TRAF7: variants seen among roughly 807,000 people sequenced by gnomAD.
TRAF7 encodes the protein TNF receptor associated factor 7, also known as E3 ubiquitin-protein ligase TRAF7.
A neutral mutation model predicts 89.3 loss-of-function variants in TRAF7; 45 were observed. That is an observed-to-expected ratio of 0.50 (90% CI 0.40 to 0.65). The LOEUF is 0.65. TRAF7 is among the 30% of genes least tolerant of loss of function. The pLI is 0.00. For synonymous variants in TRAF7, 406 were observed against 369.2 expected (o/e 1.10, Z -1.14); for missense variants, 677 against 918.1 (o/e 0.74, Z 3.39).
chr16:2,172,332 A>G lies in TRAF7; in HGVS notation c.617A>G (p.Asp206Gly). The G allele has an allele frequency of 6.2e-7, 1 of 1,612,146 alleles. No homozygotes were observed. The highest frequency in any genetic ancestry group is 8.5e-7 in the Non-Finnish European group (1 of 1,179,844). The change falls in exon 8 of 21, where the codon GAC becomes GGC. Residue 206 changes from aspartate (D) to glycine (G), a missense_variant. Physicochemically the swap from Asp to Gly is moderately conservative, Grantham distance 94 (BLOSUM62 -1). Transcript: ENST00000326181. ...GGGAAGCCCCCCATCTTTGAGGTGG[A>G]CCCCCGAGGGTGCCCCTTCACCATC... ...GSGKPPIFEVDPRGCPFTIKL... is the reference protein window; with the variant it reads ...GSGKPPIFEVGPRGCPFTIKL...
chr16:2,178,025 A>C lies in TRAF7; in HGVS notation c.*1451A>C, dbSNP rs902255134. 1.6e-5 allele frequency: 7 copies of C among 435,802 alleles called. No homozygotes were observed. The highest frequency in any genetic ancestry group is 3.0e-5 in the Non-Finnish European group (7 of 231,600). 27.0% of individuals were successfully genotyped at this position (435,802 alleles called of 1,614,324 possible). A position where few individuals can be genotyped will look rare whatever the true frequency, so the allele number is the denominator to read the frequency against. On this transcript the variant is annotated 3_prime_UTR_variant, in exon 21 of 21. Transcript: ENST00000326181. ...TAAATGGTTTTCTATAGAATCAATA[A>C]TATTTCTTTCTTTAAATATATATTT...
intron 3 of TRAF7, among the ~76,000 whole-genome samples, chr16:2,166,893 C>T (rs1344683461): frequency 3.9e-5 from 6 of 152,196 alleles, no homozygotes; most frequent in Middle Eastern, 3.2e-3. Flanking sequence ...ACCCTCATTC[C>T]GGGGTGGGGT....
At chr16:2,164,171 C>CGCGCGCGCGCACGCGT (rs1297987151) in intron 2 of TRAF7, among the ~76,000 whole-genome samples, 170 bp downstream of exon 2, 1 of 119,042 alleles carries the variant, frequency 8.4e-6, no homozygotes. Flanking sequence ...CGCGCGCGCG[C>CGCGCGCGCGCACGCGT]GCGCGCGCGC....
At chr16:2,156,705 G>T (rs574598418) in intron 1 of TRAF7, among the ~76,000 whole-genome samples, 3 of 122,408 alleles carry the variant, frequency 2.5e-5, no homozygotes, top group African/African-American at 9.5e-5. Flanking sequence ...CGATGAGGCC[G>T]GACCAGGCTC....
rs568887014 is a variant in TRAF7, at chr16:2,158,769, G to A, written c.-39+2911G>A. Reference sequence around the variant, plus strand: ...TGGGACTGGGAAGCGTGGGCTCGGCGGGGGGGGGGGGGACACTGCCACCCT... The same window carrying A: ...TGGGACTGGGAAGCGTGGGCTCGGCAGGGGGGGGGGGGACACTGCCACCCT... On this transcript the variant is annotated intron_variant, in intron 1 of 20. Transcript: ENST00000326181. The surrounding 1 kb of genome is among the most constrained non-coding windows in gnomAD (Gnocchi z 4.7). 7.8e-5 allele frequency among the ~76,000 whole-genome samples: 6 copies of A among 76,564 alleles called. 1 individual carries two copies. The highest frequency in any genetic ancestry group is 2.5e-4 in the African/African-American group (6 of 24,228). 50.2% of individuals were successfully genotyped at this position (76,564 alleles called of 152,430 possible).
Position 2,159,057 on chromosome 16 carries a change from C to T in TRAF7, c.-39+3199C>T, listed in dbSNP as rs566573715. On this transcript the variant is annotated intron_variant, in intron 1 of 20. Coordinates refer to ENST00000326181, the MANE Select transcript of TRAF7 (RefSeq NM_032271.3). The surrounding 1 kb of genome is among the most constrained non-coding windows in gnomAD (Gnocchi z 6.5). ...AAGGACTGAGAGATGTTGCCAGCCCCCAAGGGGTCGGAGGGGCAGCAAAAG... is the reference window on the plus strand; with the variant it reads ...AAGGACTGAGAGATGTTGCCAGCCCTCAAGGGGTCGGAGGGGCAGCAAAAG... Among the ~76,000 whole-genome samples the T allele has an allele frequency of 4.6e-5, 7 of 152,322 alleles. No individual in the cohort carries two copies. The South Asian group carries it at 1.4e-3, about 32-fold the overall frequency.
chr16:2,168,699 G>A lies in TRAF7; in HGVS notation c.231+531G>A, dbSNP rs368737740. Among the ~76,000 whole-genome samples the A allele has an allele frequency of 9.2e-5, 14 of 152,282 alleles. No homozygotes were observed. Among genetic ancestry groups the A allele is most frequent in the East Asian group, 7.7e-4 (4 of 5,184 alleles). ...GCCGGAGAATTCCCTGTTGCTGGCTGTGTGAGGTGCAGAAAGGATCAGGGC... is the reference window on the plus strand; with the variant it reads ...GCCGGAGAATTCCCTGTTGCTGGCTATGTGAGGTGCAGAAAGGATCAGGGC... On this transcript the variant is annotated intron_variant, in intron 4 of 20. Coordinates refer to ENST00000326181, the MANE Select transcript of TRAF7 (RefSeq NM_032271.3). The surrounding 1 kb of genome is among the most constrained non-coding windows in gnomAD (Gnocchi z 4.1).
In TRAF7 at chr16:2,165,289, G is replaced by C. The variant is rs868624605; in HGVS notation, c.82-590G>C. On this transcript the variant is annotated intron_variant, in intron 2 of 20. Transcript: ENST00000326181. ...GTTAAGCGTGTTAGTGCTGCGTGGC[G>C]CGGCCTGGTCGCATGGTTAAGTGTG... Among the ~76,000 whole-genome samples, 462 of 111,064 alleles carry C rather than the reference G, an allele frequency of 4.2e-3. 1 individual carries two copies. Among genetic ancestry groups the C allele is most frequent in the Middle Eastern group, 0.031 (4 of 130 alleles). 72.9% of individuals were successfully genotyped at this position (111,064 alleles called of 152,430 possible).
chr16:2,175,293 C>T lies in TRAF7; in HGVS notation c.1387-8C>T. The T allele has an allele frequency of 8.7e-6, 14 of 1,613,154 alleles. No homozygotes were observed. The highest frequency in any genetic ancestry group is 1.7e-4 in the Middle Eastern group (1 of 6,050). ...GTGCCCTGAGGCTGCCGGTCCTTCC[C>T]CAATCAGGTGTGGGACATCCAGAAC... On this transcript the variant is annotated splice_polypyrimidine_tract_variant and splice_region_variant and intron_variant, in intron 15 of 20. Coordinates refer to ENST00000326181, the MANE Select transcript of TRAF7 (RefSeq NM_032271.3).
At chr16:2,156,520 T>C (rs2093035225) in intron 1 of TRAF7, among the ~76,000 whole-genome samples, 1 of 151,918 alleles carries the variant, frequency 6.6e-6, no homozygotes, top group Admixed American at 6.6e-5. Flanking sequence ...AAAAAGTGAG[T>C]ACTGGCCGGG....
Position 2,176,919 on chromosome 16 carries a change from TA to T in TRAF7, c.*348del, listed in dbSNP as rs2093139541. ...AGATTTGGTTACCTCCTGGTTGAAA[TA>T]AATGCTCCACAGACTGTGGCTGTGA... On this transcript the variant is annotated 3_prime_UTR_variant, in exon 21 of 21. Coordinates refer to ENST00000326181, the MANE Select transcript of TRAF7 (RefSeq NM_032271.3). The T allele has an allele frequency of 2.1e-6, 1 of 479,350 alleles. No homozygotes were observed. The highest frequency in any genetic ancestry group is 3.8e-6 in the Non-Finnish European group (1 of 260,162). 29.7% of individuals were successfully genotyped at this position (479,350 alleles called of 1,614,324 possible).
intron 1 of TRAF7, among the ~76,000 whole-genome samples, chr16:2,156,471 G>A (rs2093035085): frequency 6.6e-6 from 1 of 152,338 alleles, no homozygotes; most frequent in East Asian, 1.9e-4. Context: ...ATCATGGGGA[G>A]CAGCGGTATG....
intron 2 of TRAF7, among the ~76,000 whole-genome samples, 180 bp downstream of exon 2, chr16:2,164,181 C>CGTGCGTGTGT (rs2093071134): frequency 8.1e-6 from 1 of 122,738 alleles, no homozygotes; most frequent in Non-Finnish European, 1.7e-5. Context: ...CGCGCGCGCG[C>CGTGCGTGTGT]ACGCGTGCGT....
Position 2,159,912 on chromosome 16 carries a change from C to T in TRAF7, c.-38-3971C>T, listed in dbSNP as rs1018626821. On this transcript the variant is annotated intron_variant, in intron 1 of 20. Transcript: ENST00000326181. The surrounding 1 kb of genome is among the most constrained non-coding windows in gnomAD (Gnocchi z 6.5). ...GCCCCCCAGGCTGCTGCCAAGTGGG[C>T]GGGGACCCCTGACCCAGACCCCCTC... Among the ~76,000 whole-genome samples, 8 of 152,348 alleles carry T rather than the reference C, an allele frequency of 5.3e-5. No homozygotes were observed. The highest frequency in any genetic ancestry group is 7.4e-5 in the Non-Finnish European group (5 of 68,012).
At position 2,176,078 on chromosome 16, in the gene TRAF7, G is replaced by T. The variant is rs1241131934; in HGVS notation, c.1776G>T (p.Val592=). 6.2e-7 allele frequency: 1 copy of T among 1,610,734 alleles called. No individual in the cohort carries two copies. Among genetic ancestry groups the T allele is most frequent in the Non-Finnish European group, 8.5e-7 (1 of 1,178,860 alleles). ...HVWDIESKEQ[V]RTLTGHVGTV... is the part of the protein sequence containing the mutation. Reference sequence around the variant, plus strand: ...GGGACATTGAGTCCAAGGAGCAGGTGCGGACCCTCACGGGCCACGTGGGCA... The same window carrying T: ...GGGACATTGAGTCCAAGGAGCAGGTTCGGACCCTCACGGGCCACGTGGGCA... Residue 592 remains valine, a synonymous_variant, in exon 19 of 21, where the codon GTG becomes GTT. Coordinates refer to ENST00000326181, the MANE Select transcript of TRAF7 (RefSeq NM_032271.3).
intron 3 of TRAF7, among the ~76,000 whole-genome samples, chr16:2,167,762 C>T (rs1270152217): frequency 6.6e-6 from 1 of 152,154 alleles, no homozygotes; most frequent in Non-Finnish European, 1.5e-5. Context: ...AATTGGGGTG[C>T]TGGGGAGCTT....
chr16:2,170,504 T>C (rs534567026), intron 4 of TRAF7, 110 bp from the exon 5 acceptor site: 212 of 746,738 alleles, frequency 2.8e-4, no homozygotes, highest in Admixed American at 1.8e-3. Flanking sequence ...GGGACCGGGG[T>C]GGCCCCAGGG....
At chr16:2,157,350 G>A (rs188206363) in intron 1 of TRAF7, among the ~76,000 whole-genome samples, 149 of 152,026 alleles carry the variant, frequency 9.8e-4, no homozygotes, top group African/African-American at 3.5e-3. Flanking sequence ...CCAACCTGAC[G>A]CCCCAACCTG....
intron 2 of TRAF7, 113 bp downstream of exon 2, chr16:2,164,114 A>C (rs2141271189): frequency 2.4e-6 from 2 of 825,992 alleles, no homozygotes; most frequent in South Asian, 1.8e-5. Context: ...CTGGGGTCTC[A>C]GGGGAGCTCG....
Sources: gnomAD v4.1 joint callset for allele counts (sites outside exome capture counted in the v4.1 genomes callset) on GRCh38, gnomAD v4.1.1 for gene constraint, Gnocchi (gnomAD v3.1) non-coding constraint, MANE v1.5 for transcripts, NCBI Gene and HGNC (gene_info 2026-07-23, HGNC 2026-07-21) for gene names.